Variants in MYH10 observed in about 807,000 individuals in gnomAD.
MYH10 encodes the protein myosin-10.
MYH10 carries 55 observed loss-of-function variants against 257.8 expected under a neutral mutation model. The ratio of observed to expected loss-of-function variants is 0.21; its 90% CI spans 0.17 to 0.27. The LOEUF is 0.27. Ranked by LOEUF, MYH10 falls within the 10% of genes least tolerant of loss-of-function variation. The pLI is 1.00. For missense variants in MYH10, 1,631 were observed against 2,500.6 expected, an observed-to-expected ratio of 0.65 and a Z score of 7.42; for synonymous variants, 854 against 921.7, an observed-to-expected ratio of 0.93 and a Z score of 1.33.
chr17:8,589,218 C>T, intron 3 of MYH10, 110 bp from the exon 4 acceptor site: 1 of 1,115,316 alleles, frequency 9.0e-7, no homozygotes, highest in South Asian at 1.4e-5. Flanking sequence ...TTAGTAACTA[C>T]TCCTCTCGAG....
rs181372567 is a variant in MYH10 at position 8,552,706 on chromosome 17, C to T, written c.821-562G>A. 6.6e-6 allele frequency among the ~76,000 whole-genome samples: 1 copy of T among 152,250 alleles called. No homozygotes were observed. The highest frequency in any genetic ancestry group is 1.5e-5 in the Non-Finnish European group (1 of 68,012). On this transcript the variant is annotated intron_variant, in intron 8 of 42. Coordinates refer to ENST00000360416, the MANE Select transcript of MYH10 (RefSeq NM_001256012.3). This position sits in a 1 kb window ranked among gnomAD's most constrained non-coding sequence, Gnocchi z 4.8. ...AGCCTCCTATATGAGAGGCACTCGC[C>T]CTTCACACTCAGCAGCACATGTAAC... is the stretch of plus-strand genomic sequence containing the variant.
chr17:8,543,997 T>C (rs994524148), intron 13 of MYH10, among the ~76,000 whole-genome samples: 5 of 151,202 alleles, frequency 3.3e-5, no homozygotes, highest in African/African-American at 1.2e-4. Context: ...AAGAAATGTG[T>C]GTATGTGTGT....
At chr17:8,587,129 A>G (rs1430676140) in intron 4 of MYH10, among the ~76,000 whole-genome samples, 1 of 152,168 alleles carries the variant, frequency 6.6e-6, no homozygotes, top group Non-Finnish European at 1.5e-5. Flanking sequence ...CACCAAGTGG[A>G]GAAGAAACCA....
intron 7 of MYH10, among the ~76,000 whole-genome samples, chr17:8,559,028 C>G (rs2082898642): frequency 1.3e-5 from 2 of 152,136 alleles, no homozygotes; most frequent in Admixed American, 6.5e-5. Flanking sequence ...TTGCAAAATA[C>G]TAAGGAAAAT....
At chr17:8,510,429 T>C (rs1209263062) in intron 24 of MYH10, among the ~76,000 whole-genome samples, 2 of 152,196 alleles carry the variant, frequency 1.3e-5, no homozygotes, top group African/African-American at 2.4e-5. Flanking sequence ...GAAGCCAACA[T>C]GGCAAAACAT....
intron 29 of MYH10, 41 bp from the exon 30 acceptor site, chr17:8,499,517 C>G (rs376730217): frequency 1.3e-6 from 2 of 1,596,848 alleles, no homozygotes; most frequent in East Asian, 2.2e-5. Context: ...TAGTTATTTT[C>G]TAAAACTCCA....
chr17:8,492,401 G>C lies in MYH10; in HGVS notation c.4567C>G (p.Leu1523Val), dbSNP rs1305332103. ...TCCTTGGCCTCCAGGGCTTCCTCGA[G>C]GGCCCGGGCCAGTGACAGGGCTTTG... ...ETKALSLARALEEALEAKEEF... is the reference protein window; with the variant it reads ...ETKALSLARAVEEALEAKEEF... The change falls in exon 34 of 43, where the codon CTC (leucine) becomes GTC (valine). Residue 1523 changes from leucine to valine, a missense_variant. Physicochemically the swap from Leu to Val is conservative, Grantham distance 32. This residue lies in a region of MYH10 where 463 missense variants were observed against 621.8 expected (regional missense o/e 0.74). Coordinates refer to ENST00000360416, the MANE Select transcript of MYH10 (RefSeq NM_001256012.3). 2 of 1,613,536 alleles carry C rather than the reference G, an allele frequency of 1.2e-6. No homozygotes were observed. The highest frequency in any genetic ancestry group is 3.3e-5 in the Admixed American group (2 of 60,034).
chr17:8,539,028 A>G (rs938978021), intron 14 of MYH10, among the ~76,000 whole-genome samples: 1 of 152,060 alleles, frequency 6.6e-6, no homozygotes, highest in Non-Finnish European at 1.5e-5. Context: ...GGTCTGTCAT[A>G]AAAAAGCCAG....
At chr17:8,503,060 A>G (rs1247831034) in intron 28 of MYH10, among the ~76,000 whole-genome samples, 1 of 152,240 alleles carries the variant, frequency 6.6e-6, no homozygotes, top group Non-Finnish European at 1.5e-5. Context: ...AGGCGGGCGG[A>G]TCACCTGAGG....
Position 8,502,982 on chromosome 17 carries a change from T to C in MYH10, c.3599+1712A>G, listed in dbSNP as rs564220827. On this transcript the variant is annotated intron_variant, in intron 28 of 42. Transcript: ENST00000360416. ...GACTTAAACTACTAAAAGCAGTTAC[T>C]CTGCTGAAGTGGGGTAAGGGCTGGG... is the stretch of plus-strand genomic sequence containing the variant. 1.5e-3 allele frequency among the ~76,000 whole-genome samples: 228 copies of C among 152,328 alleles called. 1 individual carries two copies. The highest frequency in any genetic ancestry group is 0.011 in the South Asian group (54 of 4,820).
intron 16 of MYH10, among the ~76,000 whole-genome samples, chr17:8,532,304 A>G (rs964999296): frequency 6.6e-6 from 1 of 152,234 alleles, no homozygotes; most frequent in Non-Finnish European, 1.5e-5. Flanking sequence ...AGGGCCATAA[A>G]TAGGGCTGTG....
intron 14 of MYH10, among the ~76,000 whole-genome samples, chr17:8,536,232 GA>G (rs1326275043): frequency 1.3e-5 from 2 of 152,062 alleles, no homozygotes; most frequent in Non-Finnish European, 2.9e-5. Flanking sequence ...GCAAATAAAA[GA>G]AGCCAGAAAC....
chr17:8,492,221 G>A (rs1398215153), intron 34 of MYH10, 76 bp downstream of exon 34: 14 of 1,428,006 alleles, frequency 9.8e-6, no homozygotes, highest in South Asian at 3.7e-5. Context: ...CTGAGGAGTC[G>A]CCCGCTCCTG....
rs1013865276 is a variant in MYH10 at position 8,569,187 on chromosome 17, A to C, written c.756+533T>G. Among the ~76,000 whole-genome samples, 1 of 150,748 alleles carries C rather than the reference A, an allele frequency of 6.6e-6. No individual in the cohort carries two copies. Among genetic ancestry groups the C allele is most frequent in the South Asian group, 2.1e-4 (1 of 4,710 alleles). ...CAGTGAGCTATGACTGTGCCACTGC[A>C]CTCCAGGCTGGGTGACAGAGCAAGA... On this transcript the variant is annotated intron_variant, in intron 7 of 42. Coordinates refer to ENST00000360416, the MANE Select transcript of MYH10 (RefSeq NM_001256012.3). The surrounding 1 kb of genome is among the most constrained non-coding windows in gnomAD (Gnocchi z 4.1).
In MYH10 at chr17:8,530,557, C is replaced by A. The variant is rs537330866; in HGVS notation, c.1957+66G>T. 67 of 1,140,696 alleles carry A rather than the reference C, an allele frequency of 5.9e-5. 1 individual carries two copies. In the South Asian group the frequency reaches 8.3e-4, roughly 14 times the overall value. 70.7% of individuals were successfully genotyped at this position (1,140,696 alleles called of 1,614,324 possible). A position where few individuals can be genotyped will look rare whatever the true frequency, so the allele number is the denominator to read the frequency against. On this transcript the variant is annotated intron_variant, in intron 17 of 42. Transcript: ENST00000360416. ...TCCCCGGCCACCCTGCCAGTCCCCC[C>A]ACACGTTTTTCCTGTGGGCTTAAAA...
At chr17:8,532,331 G>A (rs2082028530) in intron 16 of MYH10, among the ~76,000 whole-genome samples, 1 of 152,234 alleles carries the variant, frequency 6.6e-6, no homozygotes, top group South Asian at 2.1e-4. Flanking sequence ...TGGCATCTGT[G>A]AGTCAGAGCT....
chr17:8,503,546 G>A (rs936471229), intron 28 of MYH10, among the ~76,000 whole-genome samples: 3 of 152,100 alleles, frequency 2.0e-5, no homozygotes, highest in Non-Finnish European at 2.9e-5. Context: ...CTATCGAGCC[G>A]GCCTGCCCTG....
chr17:8,560,256 T>A (rs143214091), intron 7 of MYH10, among the ~76,000 whole-genome samples: 1 of 152,326 alleles, frequency 6.6e-6, no homozygotes, highest in African/African-American at 2.4e-5. Context: ...ACAAAACTAA[T>A]TCTTTATTTG....
intron 4 of MYH10, among the ~76,000 whole-genome samples, chr17:8,577,962 C>T (rs2083561911): frequency 6.6e-6 from 1 of 152,164 alleles, no homozygotes; most frequent in Non-Finnish European, 1.5e-5. Flanking sequence ...GAAGAAAACT[C>T]CTCAGTACCA....
Sources: gnomAD v4.1 joint callset for allele counts (sites outside exome capture counted in the v4.1 genomes callset) on GRCh38, gnomAD v4.1.1 for gene constraint, gnomAD v4.1.1 regional missense constraint, Gnocchi (gnomAD v3.1) non-coding constraint, MANE v1.5 for transcripts, NCBI Gene and HGNC (gene_info 2026-07-23, HGNC 2026-07-21) for gene names.